DGKH: variants seen among roughly 807,000 people sequenced by gnomAD.
DGKH encodes DAG kinase eta.
A neutral mutation model predicts 159.3 loss-of-function variants in DGKH; 90 were observed. That is an observed-to-expected ratio of 0.57 (90% CI 0.48 to 0.67). The LOEUF (loss-of-function observed/expected upper bound fraction) is 0.67, where lower values mean the gene tolerates loss of function less well. Ranked by LOEUF, DGKH falls within the 30% of genes least tolerant of loss-of-function variation. DGKH has a pLI of 0.00. For missense variants in DGKH, 1,181 were observed against 1,506.1 expected (o/e 0.78, Z 3.57); for synonymous variants, 536 against 553.8 (o/e 0.97, Z 0.45).
At position 42,100,146 on chromosome 13, in the gene DGKH, C is replaced by T. The variant is rs182744944; in HGVS notation, c.193-27317C>T. Reference sequence around the variant, plus strand: ...ATTGCTGGCATTACCACCTGAGCTCCGCCTCCTGTCAGATCTGCAGCGGCA... The same window carrying T: ...ATTGCTGGCATTACCACCTGAGCTCTGCCTCCTGTCAGATCTGCAGCGGCA... On this transcript the variant is annotated intron_variant, in intron 1 of 29. Transcript: ENST00000337343. Among the ~76,000 whole-genome samples the T allele has an allele frequency of 2.0e-5, 3 of 152,214 alleles. No homozygotes were observed. The East Asian group carries it at 5.8e-4, about 29-fold the overall frequency.
chr13:42,207,025 T>TTCTTTCTC (rs376338046), intron 21 of DGKH, among the ~76,000 whole-genome samples: 1 of 44,966 alleles, frequency 2.2e-5, no homozygotes, highest in Non-Finnish European at 4.8e-5. Context: ...CTTTCTTTCT[T>TTCTTTCTC]TTTCTTTCTT....
At chr13:42,225,312 A>G in intron 29 of DGKH, 1 of 1,584,358 alleles carries the variant, frequency 6.3e-7, no homozygotes, top group South Asian at 1.1e-5. Context: ...GAAAAAAGAG[A>G]CACCAAAGAA....
intron 3 of DGKH, among the ~76,000 whole-genome samples, chr13:42,150,590 T>C (rs1955854503): frequency 6.6e-6 from 1 of 152,214 alleles, no homozygotes; most frequent in African/African-American, 2.4e-5. Flanking sequence ...TTTATCAAAA[T>C]CAGAGCCCCA....
intron 29 of DGKH, among the ~76,000 whole-genome samples, chr13:42,228,020 T>G (rs909667760): frequency 1.3e-5 from 2 of 152,172 alleles, no homozygotes; most frequent in Non-Finnish European, 1.5e-5. Context: ...AAGAAGTTGT[T>G]TGACTTCACA....
chr13:42,215,814 GTCT>G, intron 26 of DGKH, 147 bp downstream of exon 26: 1 of 648,132 alleles, frequency 1.5e-6, no homozygotes, highest in Non-Finnish European at 2.6e-6. Flanking sequence ...CCTGGTTTTT[GTCT>G]TCAAGAAAAT....
chr13:42,195,099 A>G (rs1357489963), intron 17 of DGKH, 83 bp downstream of exon 17: 29 of 1,495,246 alleles, frequency 1.9e-5, no homozygotes, highest in Non-Finnish European at 2.3e-5. Context: ...CTGTGGAAAC[A>G]TGTTCTTAAA....
upstream of DGKH, among the ~76,000 whole-genome samples, chr13:42,047,550 T>TA (rs2137629854): frequency 6.6e-6 from 1 of 152,342 alleles, no homozygotes; most frequent in East Asian, 1.9e-4. Context: ...TCTGTCGTTT[T>TA]AATGTCTTCT....
intron 3 of DGKH, among the ~76,000 whole-genome samples, chr13:42,136,846 C>T (rs1955412288): frequency 6.6e-6 from 1 of 152,096 alleles, no homozygotes; most frequent in South Asian, 2.1e-4. Context: ...TCAGGGGTCC[C>T]TTTCCACAGC....
intron 1 of DGKH, among the ~76,000 whole-genome samples, chr13:42,075,225 C>T (rs1302485635): frequency 6.6e-6 from 1 of 152,044 alleles, no homozygotes; most frequent in East Asian, 1.9e-4. Flanking sequence ...TGTACATTTT[C>T]TAGTGGTGTT....
At chr13:42,189,979 T>C (rs931207684) in intron 15 of DGKH, among the ~76,000 whole-genome samples, 1 of 152,198 alleles carries the variant, frequency 6.6e-6, no homozygotes, top group African/African-American at 2.4e-5. Flanking sequence ...GAAAATATTT[T>C]CTTAACATTA....
intron 1 of DGKH, chr13:42,069,582 C>T: frequency 6.3e-7 from 1 of 1,577,232 alleles, no homozygotes; most frequent in Non-Finnish European, 8.7e-7. Flanking sequence ...CTAGCGCTAT[C>T]TGGGCTTTAA....
intron 1 of DGKH, among the ~76,000 whole-genome samples, chr13:42,093,105 A>G (rs566568403): frequency 1.3e-5 from 2 of 152,102 alleles, no homozygotes; most frequent in South Asian, 2.1e-4. Flanking sequence ...TTAGCCAGGC[A>G]TGGTGGCACA....
intron 1 of DGKH, among the ~76,000 whole-genome samples, chr13:42,124,724 T>A (rs573673206): frequency 4.6e-5 from 7 of 152,184 alleles, no homozygotes; most frequent in Non-Finnish European, 7.4e-5. Flanking sequence ...TTGAAATGGT[T>A]GTTTACACTA....
intron 3 of DGKH, among the ~76,000 whole-genome samples, chr13:42,135,934 T>C (rs1455080430): frequency 6.6e-6 from 1 of 152,210 alleles, no homozygotes; most frequent in Non-Finnish European, 1.5e-5. Context: ...CAGATTTGTT[T>C]TTATTTACCC....
intron 7 of DGKH, among the ~76,000 whole-genome samples, chr13:42,161,068 C>A (rs1956168616): frequency 6.6e-6 from 1 of 152,090 alleles, no homozygotes; most frequent in Admixed American, 6.5e-5. Flanking sequence ...AGATATGTTA[C>A]TAATACTTTT....
chr13:42,125,529 G>A (rs1407588689), intron 1 of DGKH, among the ~76,000 whole-genome samples: 1 of 152,158 alleles, frequency 6.6e-6, no homozygotes, highest in Admixed American at 6.5e-5. Context: ...GTATGCTGGA[G>A]CCTGGCTTGA....
intron 3 of DGKH, among the ~76,000 whole-genome samples, chr13:42,151,478 G>GGTGTGTGTGTGTGTGT (rs143470293): frequency 7.9e-6 from 1 of 126,322 alleles, no homozygotes; most frequent in Admixed American, 8.4e-5. Flanking sequence ...AGTATTCCAT[G>GGTGTGTGTGTGTGTGT]GTGTGTGTGT....
In DGKH at chr13:42,232,254, C is replaced by T. The variant is rs1958315189; in HGVS notation, c.*3066C>T. 6.6e-6 allele frequency: 1 copy of T among 152,250 alleles called. No homozygotes were observed. Among genetic ancestry groups the T allele is most frequent in the African/African-American group, 2.4e-5 (1 of 41,396 alleles). 9.4% of individuals were successfully genotyped at this position (152,250 alleles called of 1,614,324 possible). ...ATGACTGTAATGGCTGGAATTGTCA[C>T]CTCTTCTCCCTGATAGGCTCTTCCT... On this transcript the variant is annotated 3_prime_UTR_variant, in exon 30 of 30. Coordinates refer to ENST00000337343, the MANE Select transcript of DGKH (RefSeq NM_178009.5).
intron 1 of DGKH, among the ~76,000 whole-genome samples, chr13:42,065,519 A>AGG (rs1427973690): frequency 6.6e-6 from 1 of 152,188 alleles, no homozygotes; most frequent in African/African-American, 2.4e-5. Flanking sequence ...CTATGGAACA[A>AGG]GGGAGTGGAT....
Sources: gnomAD v4.1 joint callset for allele counts (sites outside exome capture counted in the v4.1 genomes callset) on GRCh38, gnomAD v4.1.1 for gene constraint, MANE v1.5 for transcripts, NCBI Gene and HGNC (gene_info 2026-07-23, HGNC 2026-07-21) for gene names.